The following CDCA8 variants were observed in gnomAD, a reference collection of about 807,000 sequenced individuals.
The protein encoded by CDCA8 is borealin.
CDCA8 carries 25 observed loss-of-function variants against 40.0 expected under a neutral mutation model. The observed-to-expected ratio is 0.63, with a 90% CI of 0.46 to 0.87. CDCA8 has a LOEUF of 0.87. CDCA8 is among the 40% of genes least tolerant of loss of function. The pLI, the probability that CDCA8 is intolerant of heterozygous loss-of-function variation, is 0.00. For synonymous variants in CDCA8, 111 were observed against 126.5 expected, an observed-to-expected ratio of 0.88 and a Z score of 0.82; for missense variants, 280 against 348.4, an observed-to-expected ratio of 0.80 and a Z score of 1.56.
intron 2 of CDCA8, among the ~76,000 whole-genome samples, chr1:37,693,694 C>T (rs532573846): frequency 6.6e-6 from 1 of 152,174 alleles, no homozygotes; most frequent in South Asian, 2.1e-4. Context: ...CCACTGCGCC[C>T]GGCCAGAAAA....
chr1:37,692,602 G>T lies in CDCA8; in HGVS notation c.-89G>T, dbSNP rs994237475. The T allele has an allele frequency of 9.7e-7, 1 of 1,031,358 alleles. No homozygotes were observed. The highest frequency in any genetic ancestry group is 1.5e-6 in the Non-Finnish European group (1 of 673,942). The allele number at this position is 1,031,358 out of a possible 1,614,324, so 63.9% of individuals were successfully genotyped here. On this transcript the variant is annotated 5_prime_UTR_variant, in exon 1 of 10. Transcript: ENST00000373055. Reference sequence around the variant, plus strand: ...AGGTACGTGCCTGGCGACTTCTTCGGGTGGTCCCCGTCCGCCCTCCTCGTC... The same window carrying T: ...AGGTACGTGCCTGGCGACTTCTTCGTGTGGTCCCCGTCCGCCCTCCTCGTC...
rs1021792058 is a variant in CDCA8 at position 37,696,938 on chromosome 1, A to AC, written c.264+994dup. 1.3e-5 allele frequency among the ~76,000 whole-genome samples: 2 copies of AC among 151,992 alleles called. No individual in the cohort carries two copies. Among genetic ancestry groups the AC allele is most frequent in the Non-Finnish European group, 2.9e-5 (2 of 68,000 alleles). On this transcript the variant is annotated intron_variant, in intron 3 of 9. Coordinates refer to ENST00000373055, the MANE Select transcript of CDCA8 (RefSeq NM_001256875.2). The surrounding 1 kb of genome is among the most constrained non-coding windows in gnomAD (Gnocchi z 5.0). Reference sequence around the variant, plus strand: ...TTTGGGAGAGAGGTGGGGATTATTCACCCCCCTACATACACTGAGCTCCAA... The same window carrying AC: ...TTTGGGAGAGAGGTGGGGATTATTCACCCCCCCTACATACACTGAGCTCCAA...
rs147854102 is a variant in CDCA8 at position 37,698,998 on chromosome 1, C to T, written c.337+21C>T. The T allele has an allele frequency of 9.8e-3, 15,207 of 1,555,752 alleles. 95 individuals carry two copies. The highest frequency in any genetic ancestry group is 0.012 in the Non-Finnish European group (13,474 of 1,126,914). On this transcript the variant is annotated intron_variant, in intron 4 of 9. Coordinates refer to ENST00000373055, the MANE Select transcript of CDCA8 (RefSeq NM_001256875.2). ...CAAAAGTGAGTACCTTTCAAAACTC[C>T]TTGTTGTACAGAAAGAACTGAGGCT...
At chr1:37,706,660 T>A (rs1380170678) in intron 8 of CDCA8, among the ~76,000 whole-genome samples, 1 of 152,276 alleles carries the variant, frequency 6.6e-6, no homozygotes, top group Non-Finnish European at 1.5e-5. Flanking sequence ...TGAAGCAAGC[T>A]GAGCTCAGTG....
chr1:37,704,579 G>A (rs1000775158), intron 7 of CDCA8, among the ~76,000 whole-genome samples: 2 of 150,364 alleles, frequency 1.3e-5, no homozygotes, highest in Admixed American at 1.3e-4. Flanking sequence ...AGAGCAAGAA[G>A]TGGTTATCTC....
At position 37,708,319 on chromosome 1, in the gene CDCA8, T is replaced by C. The variant is rs757121844; in HGVS notation, c.799-3T>C. ...ACAATGACCTCTCTCCTTTTCTTTT[T>C]AGAACCGTCTCGCCCAAATCTGCAG... On this transcript the variant is annotated splice_polypyrimidine_tract_variant and splice_region_variant and intron_variant, in intron 9 of 9. Coordinates refer to ENST00000373055, the MANE Select transcript of CDCA8 (RefSeq NM_001256875.2). 2 of 1,613,190 alleles carry C rather than the reference T, an allele frequency of 1.2e-6. No individual in the cohort carries two copies. Among genetic ancestry groups the C allele is most frequent in the Non-Finnish European group, 8.5e-7 (1 of 1,179,828 alleles).
rs957886019 is a variant in CDCA8, at chr1:37,706,987, T to C, written c.721T>C (p.Leu241=). ...TCCCCTTTCTATTCAGAGCCTGCGATTATTGGCCAGTGACTTGCAGAGGCA... is the reference window on the plus strand; with the variant it reads ...TCCCCTTTCTATTCAGAGCCTGCGACTATTGGCCAGTGACTTGCAGAGGCA... ...VPVGGGESLR[L]LASDLQRHSI... is the part of the protein sequence containing the mutation. The change falls in exon 9 of 10, where the codon TTA becomes CTA. Residue 241 remains leucine (L), a synonymous_variant. Coordinates refer to ENST00000373055, the MANE Select transcript of CDCA8 (RefSeq NM_001256875.2). 2 of 1,614,068 alleles carry C rather than the reference T, an allele frequency of 1.2e-6. No individual in the cohort carries two copies. Among genetic ancestry groups the C allele is most frequent in the African/African-American group, 2.7e-5 (2 of 75,074 alleles).
At chr1:37,694,660 CTAA>C (rs1645514633) in intron 2 of CDCA8, among the ~76,000 whole-genome samples, 1 of 152,182 alleles carries the variant, frequency 6.6e-6, no homozygotes, top group South Asian at 2.1e-4. Context: ...TTCTTCATAA[CTAA>C]TAATATCCCT....
chr1:37,709,624 T>A lies in CDCA8; in HGVS notation c.*1258T>A, dbSNP rs528999379. 1 of 152,194 alleles carries A rather than the reference T, an allele frequency of 6.6e-6. No homozygotes were observed. The highest frequency in any genetic ancestry group is 2.4e-5 in the African/African-American group (1 of 41,442). The allele number at this position is 152,194 out of a possible 1,614,324, so 9.4% of individuals were successfully genotyped here. On this transcript the variant is annotated 3_prime_UTR_variant, in exon 10 of 10. Transcript: ENST00000373055. ...TTCTCCTTTCCCTGAGATTTTTGTA[T>A]ATATTGTTCTGAGTAATGGTATCTT... is the stretch of plus-strand genomic sequence containing the variant.
At chr1:37,703,490 C>T (rs193184831) in intron 7 of CDCA8, 143 bp downstream of exon 7, 86 of 667,158 alleles carry the variant, frequency 1.3e-4, no homozygotes, top group Non-Finnish European at 2.1e-4. Context: ...CCGAGGCAGG[C>T]GGATCACTTG....
rs1030490781 is a variant in CDCA8, at chr1:37,708,585, G to T, written c.*219G>T. ...CTGATCCCAGTCACTGCTTGCTGGG[G>T]CCATGCCATGGAAGCTTCCCATCAG... On this transcript the variant is annotated 3_prime_UTR_variant, in exon 10 of 10. Coordinates refer to ENST00000373055, the MANE Select transcript of CDCA8 (RefSeq NM_001256875.2). 1 of 572,306 alleles carries T rather than the reference G, an allele frequency of 1.7e-6. No homozygotes were observed. The allele number at this position is 572,306 out of a possible 1,614,324, so 35.5% of individuals were successfully genotyped here.
In CDCA8 at chr1:37,698,816, A is replaced by G. The variant is rs185956419; in HGVS notation, c.265-89A>G. 1.3e-5 allele frequency: 11 copies of G among 837,188 alleles called. No individual in the cohort carries two copies. The Admixed American group carries it at 2.1e-4, about 16-fold the overall frequency. 51.9% of individuals were successfully genotyped at this position (837,188 alleles called of 1,614,324 possible). A position where few individuals can be genotyped will look rare whatever the true frequency, so the allele number is the denominator to read the frequency against. ...CATTTAACAGTCTTATGTATTAAAT[A>G]ATAGTTTTAAAAAAGTTTTTATCTT... On this transcript the variant is annotated intron_variant, in intron 3 of 9. Coordinates refer to ENST00000373055, the MANE Select transcript of CDCA8 (RefSeq NM_001256875.2).
intron 2 of CDCA8, among the ~76,000 whole-genome samples, chr1:37,694,928 C>G (rs573553679): frequency 1.3e-5 from 2 of 152,296 alleles, no homozygotes; most frequent in East Asian, 3.9e-4. Flanking sequence ...TAGATTTTTG[C>G]CAGAAGCAAA....
chr1:37,707,079 C>A lies in CDCA8; in HGVS notation c.798+15C>A. ...AGAAGCTCTCCGTAAGTCTCATATT[C>A]ATCTCCACACATAGGATGCCTCCAG... On this transcript the variant is annotated intron_variant, in intron 9 of 9. Transcript: ENST00000373055. The A allele has an allele frequency of 1.9e-6, 3 of 1,590,128 alleles. No homozygotes were observed. The highest frequency in any genetic ancestry group is 1.7e-6 in the Non-Finnish European group (2 of 1,158,018).
intron 8 of CDCA8, among the ~76,000 whole-genome samples, chr1:37,706,474 C>CT (rs1422809958): frequency 2.0e-5 from 3 of 152,214 alleles, no homozygotes; most frequent in Admixed American, 1.3e-4. Context: ...GACATGGGGC[C>CT]TGCCCTTAGA....
intron 4 of CDCA8, 126 bp from the exon 5 acceptor site, chr1:37,700,310 C>T: frequency 1.6e-6 from 1 of 612,462 alleles, no homozygotes; most frequent in Admixed American, 2.8e-5. Flanking sequence ...AAAAAGTCTT[C>T]TTTATTTTTA....
rs372553167 is a variant in CDCA8, at chr1:37,705,558, C to T, written c.702C>T (p.Gly234=). The T allele has an allele frequency of 9.1e-5, 147 of 1,612,944 alleles. No homozygotes were observed. The highest frequency in any genetic ancestry group is 1.9e-4 in the Middle Eastern group (1 of 5,306). Reference sequence around the variant, plus strand: ...AGATCTTCCTCACTGTGCCAGTGGGCGGCGGAGAGGTGAAGTATTTCCAAG... The same window carrying T: ...AGATCTTCCTCACTGTGCCAGTGGGTGGCGGAGAGGTGAAGTATTTCCAAG... ...SKEIFLTVPV[G]GGESLRLLAS... The change falls in exon 8 of 10, where the codon GGC becomes GGT. Residue 234 remains glycine (G), a synonymous_variant. Transcript: ENST00000373055.
chr1:37,699,018 G>A (rs1264241428), intron 4 of CDCA8, 41 bp downstream of exon 4: 2 of 1,429,882 alleles, frequency 1.4e-6, no homozygotes, highest in Non-Finnish European at 2.0e-6. Flanking sequence ...AGAAAGAACT[G>A]AGGCTCAGGT....
chr1:37,703,204 C>T lies in CDCA8; in HGVS notation c.489-48C>T, dbSNP rs769126758. On this transcript the variant is annotated intron_variant, in intron 6 of 9. Coordinates refer to ENST00000373055, the MANE Select transcript of CDCA8 (RefSeq NM_001256875.2). ...CGTGTCACTCCTCTGCTGCTGCCTT[C>T]GTGGAACCTGAGAGTTGGCATACCT... 16 of 1,428,656 alleles carry T rather than the reference C, an allele frequency of 1.1e-5. No individual in the cohort carries two copies. The South Asian group carries it at 1.1e-4, about 10-fold the overall frequency. The allele number at this position is 1,428,656 out of a possible 1,614,324, so 88.5% of individuals were successfully genotyped here.
Sources: allele counts gnomAD v4.1 joint callset (sites outside exome capture counted in the v4.1 genomes callset), GRCh38; gene constraint gnomAD v4.1.1; non-coding constraint Gnocchi (gnomAD v3.1); transcripts MANE v1.5; gene names NCBI Gene and HGNC (gene_info 2026-07-23, HGNC 2026-07-21).